The following NEBL variants were observed in gnomAD, a reference collection of about 807,000 sequenced individuals.
The protein encoded by NEBL is nebulette, also known as LIM and SH3 protein 2.
NEBL carries 122 observed loss-of-function variants against 140.2 expected under a neutral mutation model. The observed-to-expected ratio is 0.87, with a 90% CI of 0.75 to 1.01. The LOEUF is 1.01. Among genes scored for constraint, NEBL ranks in the 50% least tolerant of loss-of-function variants. The pLI, the probability that NEBL is intolerant of heterozygous loss-of-function variation, is 0.00. For missense variants in NEBL, 1,365 were observed against 1,231.3 expected (o/e 1.11, Z -1.62); for synonymous variants, 436 against 398.9 (o/e 1.09, Z -1.11).
At chr10:21,283,954 T>C (rs1426846324) in intron 1 of NEBL, among the ~76,000 whole-genome samples, 1 of 150,796 alleles carries the variant, frequency 6.6e-6, no homozygotes, top group Admixed American at 6.6e-5. Flanking sequence ...TCCCAGCACT[T>C]TGGGAGGCCC....
intron 18 of NEBL, among the ~76,000 whole-genome samples, chr10:20,825,757 A>T (rs1839788697): frequency 6.6e-6 from 1 of 152,166 alleles, no homozygotes; most frequent in Admixed American, 6.6e-5. Flanking sequence ...TCAAACACTC[A>T]ATGGAAAAAA....
intron 3 of NEBL, among the ~76,000 whole-genome samples, chr10:21,239,808 A>AG (rs1842413854): frequency 6.6e-6 from 1 of 152,122 alleles, no homozygotes; most frequent in Non-Finnish European, 1.5e-5. Flanking sequence ...CAAGGTCAGG[A>AG]GATCAAGACC....
At position 21,225,480 on chromosome 10, in the gene NEBL, T is replaced by C. The variant is rs547128260; in HGVS notation, n.348+22441A>G. ...ATGTTCTTCTCTTGAGGGTGGCAAG[T>C]TCCCCCAACCCCAGGCAGGTCCAGA... On this transcript the variant is annotated intron_variant and non_coding_transcript_variant, in intron 3 of 8. Coordinates refer to the NEBL transcript ENST00000675702. Among the ~76,000 whole-genome samples the C allele has an allele frequency of 1.3e-4, 20 of 152,256 alleles. No individual in the cohort carries two copies. In the South Asian group the frequency reaches 3.7e-3, roughly 28 times the overall value.
At chr10:21,011,861 G>T (rs1430683425) in intron 3 of NEBL, among the ~76,000 whole-genome samples, 1 of 152,160 alleles carries the variant, frequency 6.6e-6, no homozygotes, top group Non-Finnish European at 1.5e-5. Flanking sequence ...CAATGCCCCT[G>T]GCAGCTCCCA....
chr10:21,028,825 A>T (rs1405209710), intron 2 of NEBL, among the ~76,000 whole-genome samples: 1 of 152,182 alleles, frequency 6.6e-6, no homozygotes, highest in Non-Finnish European at 1.5e-5. Flanking sequence ...AACAGGACAA[A>T]TAGAAATTTA....
At chr10:21,103,611 A>G (rs1272763467) in intron 2 of NEBL, among the ~76,000 whole-genome samples, 2 of 152,190 alleles carry the variant, frequency 1.3e-5, no homozygotes, top group African/African-American at 4.8e-5. Flanking sequence ...TGTTGACAAA[A>G]AGAGGCTCCT....
At chr10:20,971,088 C>A (rs1212285843) in intron 3 of NEBL, among the ~76,000 whole-genome samples, 1 of 152,148 alleles carries the variant, frequency 6.6e-6, no homozygotes. Flanking sequence ...TTTAACACAA[C>A]CTACATTTCA....
chr10:21,018,510 C>T (rs192238820), intron 3 of NEBL, among the ~76,000 whole-genome samples: 2 of 152,150 alleles, frequency 1.3e-5, no homozygotes, highest in African/African-American at 4.8e-5. Flanking sequence ...ATACAAACAC[C>T]AGCATTTTAC....
intron 2 of NEBL, among the ~76,000 whole-genome samples, chr10:21,075,288 A>G (rs564513997): frequency 6.6e-6 from 1 of 152,308 alleles, no homozygotes; most frequent in South Asian, 2.1e-4. Context: ...AAATCCTCCC[A>G]AAAGCCCAGT....
At chr10:21,005,511 GAT>G (rs749363930) in intron 3 of NEBL, among the ~76,000 whole-genome samples, 6 of 152,078 alleles carry the variant, frequency 3.9e-5, no homozygotes, top group Non-Finnish European at 7.4e-5. Context: ...AAGATGGGGG[GAT>G]CGCTTGAGCC....
At chr10:21,025,921 CACTATT>C (rs1007046894) in intron 2 of NEBL, among the ~76,000 whole-genome samples, 2 of 152,096 alleles carry the variant, frequency 1.3e-5, no homozygotes, top group Non-Finnish European at 2.9e-5. Flanking sequence ...ATATTATTAT[CACTATT>C]ACTATTAATA....
At position 21,265,657 on chromosome 10, in the gene NEBL, A is replaced by T. The variant is rs180998903; in HGVS notation, n.183-13829T>A. On this transcript the variant is annotated intron_variant and non_coding_transcript_variant, in intron 1 of 8. Transcript: ENST00000675702. ...TCAAAGTGGCCACTGTGGGCACCTG[A>T]AGCTCAGTCCCACCTGGAACCTGGG... 2.4e-4 allele frequency among the ~76,000 whole-genome samples: 37 copies of T among 152,308 alleles called. No individual in the cohort carries two copies. The East Asian group carries it at 6.8e-3, about 28-fold the overall frequency.
At chr10:20,948,373 A>C (rs1835282643) in intron 4 of NEBL, among the ~76,000 whole-genome samples, 1 of 152,200 alleles carries the variant, frequency 6.6e-6, no homozygotes, top group African/African-American at 2.4e-5. Context: ...GGTTTATTTC[A>C]TTATACCCAT....
chr10:20,843,122 G>A (rs1841549357), intron 12 of NEBL, among the ~76,000 whole-genome samples: 2 of 152,072 alleles, frequency 1.3e-5, no homozygotes, highest in Admixed American at 6.6e-5. Context: ...ATGGGATTGT[G>A]AGAGTGGGAC....
upstream of NEBL, among the ~76,000 whole-genome samples, chr10:20,902,163 G>A (rs1007727638): frequency 6.6e-6 from 1 of 152,042 alleles, no homozygotes; most frequent in Non-Finnish European, 1.5e-5. Context: ...CAGCACTTTG[G>A]GAGACCGAGA....
At chr10:20,963,231 C>T (rs1047686069) in intron 3 of NEBL, among the ~76,000 whole-genome samples, 1 of 152,186 alleles carries the variant, frequency 6.6e-6, no homozygotes, top group East Asian at 1.9e-4. Context: ...CATCTCCCAG[C>T]ATGGGTAAAG....
intron 2 of NEBL, among the ~76,000 whole-genome samples, chr10:21,048,936 G>A (rs112244109): frequency 6.6e-6 from 1 of 152,118 alleles, no homozygotes; most frequent in Non-Finnish European, 1.5e-5. Context: ...CTTGAACCCG[G>A]GAGGTGGAGG....
chr10:21,270,149 G>A (rs1404590301), intron 1 of NEBL, among the ~76,000 whole-genome samples: 1 of 152,114 alleles, frequency 6.6e-6, no homozygotes, highest in African/African-American at 2.4e-5. Flanking sequence ...ATCATCTGGT[G>A]GACATAAATG....
At chr10:21,103,967 G>A (rs915092719) in intron 2 of NEBL, among the ~76,000 whole-genome samples, 2 of 152,120 alleles carry the variant, frequency 1.3e-5, no homozygotes, top group Non-Finnish European at 2.9e-5. Flanking sequence ...TCTTCCATGA[G>A]CTGTGAGGTA....
Sources: allele counts gnomAD v4.1 joint callset (sites outside exome capture counted in the v4.1 genomes callset), GRCh38; gene constraint gnomAD v4.1.1; transcripts MANE v1.5; gene names NCBI Gene and HGNC (gene_info 2026-07-23, HGNC 2026-07-21).